Variants in TNFAIP6 observed in about 807,000 individuals in gnomAD.
TNFAIP6 encodes the protein tumor necrosis factor-inducible gene 6 protein.
In TNFAIP6, 36 loss-of-function variants were observed where a neutral mutation model predicts 33.7. That is an observed-to-expected ratio of 1.07 (90% CI 0.82 to 1.41). The LOEUF is 1.41. TNFAIP6 is among the 40% of genes most tolerant of loss of function. The probability of loss-of-function intolerance (pLI) is 0.00; values close to 1 mark genes in which losing one functional copy is unlikely to be tolerated. For missense variants in TNFAIP6, 273 were observed against 331.9 expected (o/e 0.82, Z 1.38); for synonymous variants, 113 against 112.8 (o/e 1.00, Z -0.01).
At chr2:151,380,601 T>C (rs1366628993), downstream of TNFAIP6, among the ~76,000 whole-genome samples, 3 of 152,220 alleles carry the variant, frequency 2.0e-5, no homozygotes, top group East Asian at 3.8e-4. Context: ...GTTGGTTTTA[T>C]TGATATAAAA....
At chr2:151,360,529 ATAAAT>A (rs1684609833) in intron 1 of TNFAIP6, among the ~76,000 whole-genome samples, 1 of 152,254 alleles carries the variant, frequency 6.6e-6, no homozygotes, top group Non-Finnish European at 1.5e-5. Flanking sequence ...TATTGACTAG[ATAAAT>A]TAATAAAATA....
intron 2 of TNFAIP6, among the ~76,000 whole-genome samples, chr2:151,364,431 G>T (rs1573779816): frequency 6.6e-6 from 1 of 152,178 alleles, no homozygotes; most frequent in East Asian, 1.9e-4. Context: ...TATGGTGGCT[G>T]TTAAATGATG....
rs770909635 is a variant in TNFAIP6, at chr2:151,379,532, A to C, written c.833A>C (p.Ter278SerextTer6). 4.3e-4 allele frequency: 33 copies of C among 76,204 alleles called. No homozygotes were observed. Among genetic ancestry groups the C allele is most frequent in the Non-Finnish European group, 7.8e-4 (32 of 40,902 alleles). 4.7% of individuals were successfully genotyped at this position (76,204 alleles called of 1,614,324 possible). A position where few individuals can be genotyped will look rare whatever the true frequency, so the allele number is the denominator to read the frequency against. The change falls in exon 6 of 6, where the codon TAA (stop) becomes TCA (serine). Residue 278 changes from the stop codon to serine, a stop_lost. Coordinates refer to ENST00000243347, the MANE Select transcript of TNFAIP6 (RefSeq NM_007115.4). ...TTAGCTGGAAGATTTAGCCACTTAT[A>C]AAAAAAAAAAAAAGGATGATCAAAA... ...NFLAGRFSHL[*>S] is the part of the protein sequence containing the mutation.
intron 1 of TNFAIP6, 110 bp from the exon 2 acceptor site, chr2:151,363,833 C>T: frequency 7.3e-7 from 1 of 1,363,346 alleles, no homozygotes; most frequent in East Asian, 2.6e-5. Context: ...ACCCAGAAAG[C>T]CCTTTGGCAG....
intron 5 of TNFAIP6, among the ~76,000 whole-genome samples, chr2:151,376,865 C>CTTTTTTTTT (rs71403162): frequency 0.012 from 1,344 of 114,102 alleles, 3 homozygotes; most frequent in East Asian, 0.02. Flanking sequence ...TTTTTCTTTT[C>CTTTTTTTTT]TTTTTTTTTT....
intron 4 of TNFAIP6, among the ~76,000 whole-genome samples, chr2:151,370,505 A>G (rs185116895): frequency 7.4e-4 from 111 of 150,234 alleles, no homozygotes; most frequent in African/African-American, 2.7e-3. Flanking sequence ...TCAAGATCTG[A>G]CTACAACATA....
At chr2:151,375,125 C>CAAA (rs71403161) in intron 5 of TNFAIP6, among the ~76,000 whole-genome samples, 30 of 78,702 alleles carry the variant, frequency 3.8e-4, no homozygotes, top group South Asian at 5.0e-4. Context: ...AACTCCGTCT[C>CAAA]AAAAAAAAAA....
intron 3 of TNFAIP6, 41 bp from the exon 4 acceptor site, chr2:151,369,979 A>T: frequency 6.9e-7 from 1 of 1,452,300 alleles, no homozygotes; most frequent in Non-Finnish European, 9.5e-7. Flanking sequence ...TGTTTTTCCT[A>T]ATGCTTTGGG....
At position 151,373,604 on chromosome 2, in the gene TNFAIP6, T is replaced by C. The variant is rs1684851828; in HGVS notation, c.664+15T>C. ...CATCAGTACAGGTAAGGTTTTAAAT[T>C]GAGGACCAAAACTATGATTTGTTTC... On this transcript the variant is annotated intron_variant, in intron 5 of 5. Coordinates refer to ENST00000243347, the MANE Select transcript of TNFAIP6 (RefSeq NM_007115.4). 6 of 1,489,036 alleles carry C rather than the reference T, an allele frequency of 4.0e-6. No individual in the cohort carries two copies. The highest frequency in any genetic ancestry group is 5.5e-6 in the Non-Finnish European group (6 of 1,100,818). 92.2% of individuals were successfully genotyped at this position (1,489,036 alleles called of 1,614,324 possible).
chr2:151,380,465 A>G (rs1347409268), downstream of TNFAIP6, among the ~76,000 whole-genome samples: 1 of 152,128 alleles, frequency 6.6e-6, no homozygotes, highest in Non-Finnish European at 1.5e-5. Context: ...TATGTTTAGG[A>G]CTGTCAAAAG....
intron 3 of TNFAIP6, among the ~76,000 whole-genome samples, 162 bp downstream of exon 3, chr2:151,366,379 T>C (rs573090294): frequency 2.0e-5 from 3 of 152,170 alleles, no homozygotes; most frequent in South Asian, 4.2e-4. Context: ...ATACCCGACA[T>C]TGAGTTGTGT....
At chr2:151,374,583 A>G (rs1030937908) in intron 5 of TNFAIP6, among the ~76,000 whole-genome samples, 2 of 152,148 alleles carry the variant, frequency 1.3e-5, no homozygotes, top group African/African-American at 4.8e-5. Context: ...CTCAATTCTA[A>G]TTTATTCGTC....
In TNFAIP6 at chr2:151,370,018, A is replaced by C; in HGVS notation, c.395-2A>C. ...TTTACGTTTTTTTTCTTCTCATTTC[A>C]GCAAAGGAGTGTGGTGGCGTCTTTA... On this transcript the variant is annotated splice_acceptor_variant, in intron 3 of 5. Transcript: ENST00000243347. LOFTEE classifies it high-confidence loss of function. 6.2e-7 allele frequency: 1 copy of C among 1,600,036 alleles called. No homozygotes were observed. Among genetic ancestry groups the C allele is most frequent in the Admixed American group, 1.7e-5 (1 of 57,404 alleles).
At chr2:151,363,808 T>C (rs912295283) in intron 1 of TNFAIP6, 135 bp from the exon 2 acceptor site, 4 of 1,017,198 alleles carry the variant, frequency 3.9e-6, no homozygotes, top group African/African-American at 1.7e-5. Flanking sequence ...AAAACTTAGC[T>C]ACCCAAGGCA....
intron 5 of TNFAIP6, among the ~76,000 whole-genome samples, chr2:151,376,865 C>CTTTTTTT (rs71403162): frequency 1.4e-3 from 165 of 114,170 alleles, no homozygotes; most frequent in African/African-American, 3.5e-3. Context: ...TTTTTCTTTT[C>CTTTTTTT]TTTTTTTTTT....
Position 151,366,235 on chromosome 2 carries a change from A to G in TNFAIP6, c.394+18A>G. ...CCCACACGGTGTGTTAAAAATAATA[A>G]TTTTATGTTTTGCAAAAACAGTTCC... On this transcript the variant is annotated intron_variant, in intron 3 of 5. Transcript: ENST00000243347. 1 of 1,609,592 alleles carries G rather than the reference A, an allele frequency of 6.2e-7. No individual in the cohort carries two copies. Among genetic ancestry groups the G allele is most frequent in the Non-Finnish European group, 8.5e-7 (1 of 1,176,442 alleles).
intron 3 of TNFAIP6, among the ~76,000 whole-genome samples, chr2:151,369,738 G>A (rs113449434): frequency 4.2e-4 from 64 of 152,238 alleles, no homozygotes; most frequent in African/African-American, 1.4e-3. Flanking sequence ...TTGGGTCACC[G>A]CACTCCAGCC....
chr2:151,380,284 C>T (rs1307702964), downstream of TNFAIP6, among the ~76,000 whole-genome samples: 7 of 151,566 alleles, frequency 4.6e-5, no homozygotes, highest in South Asian at 1.5e-3. Flanking sequence ...ATATAATCTT[C>T]TCTATTGATT....
intron 5 of TNFAIP6, among the ~76,000 whole-genome samples, chr2:151,377,270 C>T (rs1684930182): frequency 1.3e-5 from 2 of 151,556 alleles, no homozygotes; most frequent in Admixed American, 6.6e-5. Flanking sequence ...CCCGGGTTCA[C>T]GCCATTCTCC....
Sources: gnomAD v4.1 joint callset for allele counts (sites outside exome capture counted in the v4.1 genomes callset) on GRCh38, gnomAD v4.1.1 for gene constraint, MANE v1.5 for transcripts, NCBI Gene and HGNC (gene_info 2026-07-23, HGNC 2026-07-21) for gene names.